The following GRM7 variants were observed in gnomAD, a reference collection of about 807,000 sequenced individuals.
GRM7 encodes the protein metabotropic glutamate receptor 7.
A neutral mutation model predicts 84.5 loss-of-function variants in GRM7; 35 were observed. That is an observed-to-expected ratio of 0.41 (90% CI 0.32 to 0.55). GRM7 has a LOEUF of 0.55. Ranked by LOEUF, GRM7 falls within the 20% of genes least tolerant of loss-of-function variation. The probability of loss-of-function intolerance (pLI) is 0.19; values close to 1 mark genes in which losing one functional copy is unlikely to be tolerated. For missense variants in GRM7, 1,003 were observed against 1,194.6 expected (o/e 0.84, Z 2.36); for synonymous variants, 487 against 455.1 (o/e 1.07, Z -0.89).
intron 1 of GRM7, among the ~76,000 whole-genome samples, chr3:7,118,837 C>A (rs915446964): frequency 6.6e-6 from 1 of 152,082 alleles, no homozygotes. Flanking sequence ...TTTTTCCAAT[C>A]ACAAGAACAT....
At chr3:7,328,966 TCAACA>T (rs1296339109) in intron 4 of GRM7, among the ~76,000 whole-genome samples, 2 of 152,116 alleles carry the variant, frequency 1.3e-5, no homozygotes, top group African/African-American at 4.8e-5. Flanking sequence ...CTCTTCCTTT[TCAACA>T]TAACTTTACG....
chr3:7,665,978 T>TTTGA (rs1320151354), intron 8 of GRM7, among the ~76,000 whole-genome samples: 1 of 152,226 alleles, frequency 6.6e-6, no homozygotes, highest in Non-Finnish European at 1.5e-5. Context: ...AGGCTTCATT[T>TTTGA]TTGATAGGTG....
intron 4 of GRM7, among the ~76,000 whole-genome samples, chr3:7,405,620 T>C (rs1177534685): frequency 2.0e-5 from 3 of 152,168 alleles, no homozygotes; most frequent in Non-Finnish European, 2.9e-5. Context: ...TGTTTAGAAA[T>C]AGGAATTAAC....
intron 7 of GRM7, among the ~76,000 whole-genome samples, chr3:7,513,158 T>A (rs989562409): frequency 1.3e-5 from 2 of 152,140 alleles, no homozygotes; most frequent in Non-Finnish European, 2.9e-5. Flanking sequence ...CCTATAATTA[T>A]AGGCTGAAAA....
At chr3:7,369,233 T>C (rs1694035806) in intron 4 of GRM7, among the ~76,000 whole-genome samples, 1 of 152,066 alleles carries the variant, frequency 6.6e-6, no homozygotes, top group South Asian at 2.1e-4. Flanking sequence ...TTTAAATTTT[T>C]CATACAGACA....
At chr3:7,013,529 C>T (rs1428295940) in intron 1 of GRM7, among the ~76,000 whole-genome samples, 1 of 152,124 alleles carries the variant, frequency 6.6e-6, no homozygotes, top group Non-Finnish European at 1.5e-5. Context: ...AATTTTTAGT[C>T]AACGTTCACA....
intron 9 of GRM7, among the ~76,000 whole-genome samples, chr3:7,733,054 C>G (rs1342707222): frequency 6.6e-6 from 1 of 152,112 alleles, no homozygotes; most frequent in Non-Finnish European, 1.5e-5. Context: ...GACCAGAGGT[C>G]ACTTTCATCA....
rs376989162 is a variant in GRM7 at position 7,717,640 on chromosome 3, T to C, written c.2699-22717T>C. On this transcript the variant is annotated intron_variant, in intron 9 of 9. Coordinates refer to ENST00000357716, the MANE Select transcript of GRM7 (RefSeq NM_000844.4). ...CCATCAACTGATATGTCTTTGTTTCTTGATATCTGTTGGCAACCTCTAGCT... is the reference window on the plus strand; with the variant it reads ...CCATCAACTGATATGTCTTTGTTTCCTGATATCTGTTGGCAACCTCTAGCT... 7.2e-5 allele frequency among the ~76,000 whole-genome samples: 9 copies of C among 125,540 alleles called. No individual in the cohort carries two copies. The East Asian group carries it at 1.9e-3, about 27-fold the overall frequency. The allele number at this position is 125,540 out of a possible 152,430, so 82.4% of individuals were successfully genotyped here. A position where few individuals can be genotyped will look rare whatever the true frequency, so the allele number is the denominator to read the frequency against.
At chr3:6,874,917 G>C (rs148583738) in intron 1 of GRM7, among the ~76,000 whole-genome samples, 1 of 152,216 alleles carries the variant, frequency 6.6e-6, no homozygotes, top group Non-Finnish European at 1.5e-5. Context: ...CTTTCTGTTA[G>C]TTACCTTGAC....
intron 1 of GRM7, among the ~76,000 whole-genome samples, chr3:7,101,134 G>A (rs796818395): frequency 4.6e-5 from 7 of 151,792 alleles, no homozygotes; most frequent in African/African-American, 1.7e-4. Context: ...AAATTGCTGG[G>A]TCATAGGGTA....
chr3:7,073,307 C>A (rs1227292059), intron 1 of GRM7, among the ~76,000 whole-genome samples: 1 of 151,934 alleles, frequency 6.6e-6, no homozygotes, highest in Non-Finnish European at 1.5e-5. Context: ...ACACCTGTTG[C>A]CTTGTTAAAA....
At chr3:7,676,447 T>TTTAA (rs562305638) in intron 8 of GRM7, among the ~76,000 whole-genome samples, 7 of 152,192 alleles carry the variant, frequency 4.6e-5, no homozygotes, top group East Asian at 1.9e-4. Context: ...TATTCTTTGT[T>TTTAA]TTAATTAATT....
At chr3:7,091,638 T>A (rs1363264700) in intron 1 of GRM7, among the ~76,000 whole-genome samples, 1 of 150,188 alleles carries the variant, frequency 6.7e-6, no homozygotes, top group Non-Finnish European at 1.5e-5. Flanking sequence ...AATAGCAAAA[T>A]CCCATGATTT....
intron 7 of GRM7, among the ~76,000 whole-genome samples, chr3:7,559,745 A>G (rs941685503): frequency 6.6e-6 from 1 of 152,130 alleles, no homozygotes; most frequent in Non-Finnish European, 1.5e-5. Context: ...TAGGGCTGCC[A>G]TAACAGAATA....
chr3:7,531,856 G>C (rs748701070), intron 7 of GRM7, among the ~76,000 whole-genome samples: 5 of 152,144 alleles, frequency 3.3e-5, no homozygotes, highest in African/African-American at 7.2e-5. Flanking sequence ...TAGGAGTGGG[G>C]AGAGAGGGCA....
intron 1 of GRM7, among the ~76,000 whole-genome samples, chr3:7,122,468 A>G (rs1054539549): frequency 1.3e-5 from 2 of 152,206 alleles, no homozygotes; most frequent in African/African-American, 4.8e-5. Flanking sequence ...AATGACTACT[A>G]AAACAAATAT....
chr3:7,260,056 C>T (rs1276899925), intron 2 of GRM7, among the ~76,000 whole-genome samples: 2 of 149,290 alleles, frequency 1.3e-5, no homozygotes, highest in East Asian at 2.0e-4. Flanking sequence ...TGATATTGAG[C>T]CTTCTTTCAT....
At chr3:7,427,142 C>G (rs747407764) in intron 5 of GRM7, among the ~76,000 whole-genome samples, 1 of 152,176 alleles carries the variant, frequency 6.6e-6, no homozygotes, top group Non-Finnish European at 1.5e-5. Flanking sequence ...TTAGCAACAT[C>G]TGCATATATT....
At chr3:6,990,465 T>C (rs1284670075) in intron 1 of GRM7, among the ~76,000 whole-genome samples, 1 of 152,194 alleles carries the variant, frequency 6.6e-6, no homozygotes, top group Non-Finnish European at 1.5e-5. Context: ...TTTGTTCATT[T>C]TTCTTCTCCT....
Sources: gnomAD v4.1 joint callset for allele counts (sites outside exome capture counted in the v4.1 genomes callset) on GRCh38, gnomAD v4.1.1 for gene constraint, MANE v1.5 for transcripts, NCBI Gene and HGNC (gene_info 2026-07-23, HGNC 2026-07-21) for gene names.